FAM184A: variants seen among roughly 807,000 people sequenced by gnomAD.
FAM184A encodes the protein family with sequence similarity 184 member A.
Under a neutral mutation model 143.8 loss-of-function variants are expected in FAM184A, and 99 were observed. The observed-to-expected ratio is 0.69, with a 90% confidence interval of 0.58 to 0.81. The LOEUF is 0.81. FAM184A is among the 40% of genes least tolerant of loss of function. The probability of loss-of-function intolerance (pLI) is 0.00; values close to 1 mark genes in which losing one functional copy is unlikely to be tolerated. For synonymous variants in FAM184A, 427 were observed against 446.4 expected, an observed-to-expected ratio of 0.96 and a Z score of 0.55; for missense variants, 1,217 against 1,310.5, an observed-to-expected ratio of 0.93 and a Z score of 1.10.
At chr6:118,986,922 T>A (rs1582469283) in intron 9 of FAM184A, among the ~76,000 whole-genome samples, 1 of 152,320 alleles carries the variant, frequency 6.6e-6, no homozygotes, top group South Asian at 2.1e-4. Flanking sequence ...AACACTGAGA[T>A]AAATGTTTGT....
intron 1 of FAM184A, among the ~76,000 whole-genome samples, chr6:119,138,342 C>A (rs1420590626): frequency 2.0e-5 from 3 of 152,174 alleles, no homozygotes; most frequent in African/African-American, 7.2e-5. Flanking sequence ...ATTAAAACAG[C>A]ACCAATGTAT....
chr6:119,014,983 T>G (rs922205827), intron 5 of FAM184A, among the ~76,000 whole-genome samples: 5 of 150,812 alleles, frequency 3.3e-5, no homozygotes, highest in Admixed American at 3.3e-4. Context: ...TGTTTGAACC[T>G]GGGAGGTGGA....
chr6:118,960,683 C>T (rs574128637), intron 17 of FAM184A: 18 of 534,094 alleles, frequency 3.4e-5, no homozygotes, highest in Non-Finnish European at 5.6e-5. Context: ...ATAATTTCCC[C>T]CGTTATTGAT....
intron 1 of FAM184A, among the ~76,000 whole-genome samples, chr6:119,103,661 C>CTCAA (rs59649756): frequency 0.64 from 96,298 of 151,506 alleles, 31,265 homozygotes; most frequent in East Asian, 0.96. Flanking sequence ...GGCACGGTGG[C>CTCAA]TCAAGCCTGT....
chr6:119,050,327 G>A (rs1337588257), intron 1 of FAM184A, among the ~76,000 whole-genome samples: 1 of 152,124 alleles, frequency 6.6e-6, no homozygotes, highest in Non-Finnish European at 1.5e-5. Flanking sequence ...CCATTACTGG[G>A]TATATACCCA....
intron 1 of FAM184A, among the ~76,000 whole-genome samples, chr6:119,056,872 G>A (rs1786997566): frequency 6.6e-6 from 1 of 152,102 alleles, no homozygotes; most frequent in South Asian, 2.1e-4. Context: ...CTTCCTTTCT[G>A]ACACAACTAC....
intron 1 of FAM184A, among the ~76,000 whole-genome samples, chr6:119,050,326 G>C (rs1786701782): frequency 1.3e-5 from 2 of 151,978 alleles, no homozygotes; most frequent in African/African-American, 4.8e-5. Context: ...CCCATTACTG[G>C]GTATATACCC....
chr6:119,035,385 C>T (rs1166612300), intron 1 of FAM184A, among the ~76,000 whole-genome samples: 2 of 152,152 alleles, frequency 1.3e-5, no homozygotes, highest in Non-Finnish European at 1.5e-5. Context: ...GACTGATGAA[C>T]CAGACTTTTT....
At chr6:118,983,198 T>C (rs1784070368) in intron 9 of FAM184A, among the ~76,000 whole-genome samples, 4 of 152,222 alleles carry the variant, frequency 2.6e-5, no homozygotes. Flanking sequence ...TTTGTTCTTT[T>C]TAAAAACAAG....
At chr6:119,053,735 A>C (rs189415648) in intron 1 of FAM184A, among the ~76,000 whole-genome samples, 1 of 152,340 alleles carries the variant, frequency 6.6e-6, no homozygotes, top group East Asian at 1.9e-4. Context: ...AATGATTGAC[A>C]ACCACCTGCT....
intron 1 of FAM184A, among the ~76,000 whole-genome samples, chr6:119,117,926 T>C (rs1789104147): frequency 6.6e-6 from 1 of 152,096 alleles, no homozygotes; most frequent in Non-Finnish European, 1.5e-5. Context: ...GGGACTCAGT[T>C]ACAGGAGAGA....
intron 1 of FAM184A, among the ~76,000 whole-genome samples, chr6:119,100,735 T>C (rs1237511554): frequency 6.6e-6 from 1 of 152,060 alleles, no homozygotes; most frequent in Non-Finnish European, 1.5e-5. Context: ...GGTGGGCAGA[T>C]GACTTGAGGT....
rs923189318 is a variant in FAM184A at position 119,078,030 on chromosome 6, G to A, written c.159+111C>T. ...GTCTCCGGCTGTTGCTTCGGCGGAGGAGTAGAGTTCCCCTCGCTGCGGGCG... is the reference window on the plus strand; with the variant it reads ...GTCTCCGGCTGTTGCTTCGGCGGAGAAGTAGAGTTCCCCTCGCTGCGGGCG... On this transcript the variant is annotated intron_variant, in intron 1 of 17. Coordinates refer to ENST00000338891, the MANE Select transcript of FAM184A (RefSeq NM_024581.6). This position sits in a 1 kb window ranked among gnomAD's most constrained non-coding sequence, Gnocchi z 5.5. 7.5e-5 allele frequency: 95 copies of A among 1,260,244 alleles called. No homozygotes were observed. The Admixed American group carries it at 1.0e-3, about 14-fold the overall frequency. 78.1% of individuals were successfully genotyped at this position (1,260,244 alleles called of 1,614,324 possible).
At chr6:119,020,629 T>C (rs1035909326) in intron 3 of FAM184A, among the ~76,000 whole-genome samples, 2 of 152,206 alleles carry the variant, frequency 1.3e-5, no homozygotes, top group East Asian at 1.9e-4. Context: ...GAAGTTTGTA[T>C]GTAGGAAACA....
chr6:119,021,446 C>T (rs564159317), intron 3 of FAM184A, among the ~76,000 whole-genome samples: 10 of 152,116 alleles, frequency 6.6e-5, no homozygotes, highest in Non-Finnish European at 1.3e-4. Flanking sequence ...AGTAACAAGC[C>T]CTAAGAAATG....
rs1194852590 is a variant in FAM184A at position 119,003,119 on chromosome 6, A to G, written c.1938-70T>C. ...TTTCACTGACTGTAATAGAGTCTAC[A>G]GGTTTTTTAAGCGCTTAATTAATCC... is the stretch of plus-strand genomic sequence containing the variant. On this transcript the variant is annotated intron_variant, in intron 8 of 17. Transcript: ENST00000338891. 10 of 1,348,200 alleles carry G rather than the reference A, an allele frequency of 7.4e-6. No individual in the cohort carries two copies. The Admixed American group carries it at 2.1e-4, about 28-fold the overall frequency. 83.5% of individuals were successfully genotyped at this position (1,348,200 alleles called of 1,614,324 possible).
intron 1 of FAM184A, among the ~76,000 whole-genome samples, chr6:119,114,943 C>T (rs1789018525): frequency 6.6e-6 from 1 of 152,226 alleles, no homozygotes; most frequent in Non-Finnish European, 1.5e-5. Flanking sequence ...CAGCCTCAAC[C>T]TCTTGGACTC....
At chr6:118,967,272 A>T (rs1322138750) in intron 14 of FAM184A, among the ~76,000 whole-genome samples, 1 of 152,174 alleles carries the variant, frequency 6.6e-6, no homozygotes, top group African/African-American at 2.4e-5. Flanking sequence ...TTATATGTTG[A>T]ATGATACTAA....
At chr6:118,970,008 A>ATATATATATATATATATATATT in intron 14 of FAM184A, among the ~76,000 whole-genome samples, 2 of 19,054 alleles carry the variant, frequency 1.0e-4, no homozygotes, top group African/African-American at 3.1e-4. Flanking sequence ...ATATATATAT[A>ATATATATATATATATATATATT]TTTTTTTTTT....
Sources: allele counts gnomAD v4.1 joint callset (sites outside exome capture counted in the v4.1 genomes callset), GRCh38; gene constraint gnomAD v4.1.1; non-coding constraint Gnocchi (gnomAD v3.1); transcripts MANE v1.5; gene names NCBI Gene and HGNC (gene_info 2026-07-23, HGNC 2026-07-21).